LMBRD1: variants seen among roughly 807,000 people sequenced by gnomAD.
LMBRD1 encodes LMBR1 domain containing 1.
LMBRD1 carries 64 observed loss-of-function variants against 74.8 expected under a neutral mutation model. The observed-to-expected ratio is 0.86, with a 90% confidence interval of 0.70 to 1.05. The LOEUF (loss-of-function observed/expected upper bound fraction) is 1.05. Among genes scored for constraint, LMBRD1 ranks in the 50% least tolerant of loss-of-function variants. LMBRD1 has a pLI of 0.00. For synonymous variants in LMBRD1, 204 were observed against 216.3 expected (o/e 0.94, Z 0.50); for missense variants, 652 against 645.9 (o/e 1.01, Z -0.10).
At chr6:69,757,178 T>C (rs956742986) in intron 3 of LMBRD1, among the ~76,000 whole-genome samples, 2 of 152,176 alleles carry the variant, frequency 1.3e-5, no homozygotes, top group African/African-American at 4.8e-5. Flanking sequence ...ATAGACCTTG[T>C]GTTGACTAAA....
chr6:69,796,668 A>G lies in LMBRD1; in HGVS notation c.69+145T>C. On this transcript the variant is annotated intron_variant, in intron 1 of 15. Transcript: ENST00000649934. ...GCCCCCGCCGCCCGCCCAAGCCCCC[A>G]ACACTAAGGAGCCCTCCACAGTCCA... 3 of 637,426 alleles carry G rather than the reference A, an allele frequency of 4.7e-6. 1 individual carries two copies. Among genetic ancestry groups the G allele is most frequent in the South Asian group, 1.5e-5 (1 of 64,912 alleles). 39.5% of individuals were successfully genotyped at this position (637,426 alleles called of 1,614,324 possible).
At chr6:69,780,781 C>G (rs1328764424) in intron 2 of LMBRD1, among the ~76,000 whole-genome samples, 1 of 152,136 alleles carries the variant, frequency 6.6e-6, no homozygotes, top group East Asian at 1.9e-4. Flanking sequence ...GCACCTAACT[C>G]AGACTGAAGA....
chr6:69,749,528 A>T, intron 4 of LMBRD1, 120 bp from the exon 5 acceptor site: 1 of 766,014 alleles, frequency 1.3e-6, no homozygotes, highest in Admixed American at 2.4e-5. Context: ...TATTGAAACT[A>T]AGGTTGAAAA....
At position 69,676,150 on chromosome 6, in the gene LMBRD1, GA is replaced by G. The variant is rs1181810993; in HGVS notation, c.*7del. 1.2e-6 allele frequency: 2 copies of G among 1,600,514 alleles called. No individual in the cohort carries two copies. Among genetic ancestry groups the G allele is most frequent in the Non-Finnish European group, 1.7e-6 (2 of 1,168,006 alleles). On this transcript the variant is annotated 3_prime_UTR_variant, in exon 16 of 16. Coordinates refer to ENST00000649934, the MANE Select transcript of LMBRD1 (RefSeq NM_018368.4). ...TCAGCATTATAAAACCTTTAAGACAGAAGGCTGTCAAGCAGAATAGACAGAG... is the reference window on the plus strand; with the variant it reads ...TCAGCATTATAAAACCTTTAAGACAGAGGCTGTCAAGCAGAATAGACAGAG...
intron 9 of LMBRD1, among the ~76,000 whole-genome samples, chr6:69,703,160 C>A (rs1766170818): frequency 6.6e-6 from 1 of 151,976 alleles, no homozygotes; most frequent in Non-Finnish European, 1.5e-5. Context: ...GGTTTCATTG[C>A]AAAAGATTTT....
intron 6 of LMBRD1, among the ~76,000 whole-genome samples, chr6:69,738,687 GA>G (rs1049835082): frequency 3.9e-5 from 6 of 151,994 alleles, no homozygotes; most frequent in Non-Finnish European, 7.4e-5. Flanking sequence ...GTCAAAGAGT[GA>G]GGGGCAGGAA....
chr6:69,689,247 TAAGAA>T lies in LMBRD1; in HGVS notation c.1417+8311_1417+8315del, dbSNP rs1765829414. ...GATAAACTAGCAGACAGTTAAAAAA[TAAGAA>T]AAGAAAGTTAAGATTCTGAATTCTT... On this transcript the variant is annotated intron_variant, in intron 14 of 15. Coordinates refer to ENST00000649934, the MANE Select transcript of LMBRD1 (RefSeq NM_018368.4). Among the ~76,000 whole-genome samples, 4 of 152,042 alleles carry T rather than the reference TAAGAA, an allele frequency of 2.6e-5. No homozygotes were observed. The South Asian group carries it at 8.3e-4, about 32-fold the overall frequency.
intron 5 of LMBRD1, among the ~76,000 whole-genome samples, chr6:69,748,080 T>C (rs985212666): frequency 6.6e-6 from 1 of 152,206 alleles, no homozygotes; most frequent in Non-Finnish European, 1.5e-5. Context: ...AAAATAGGAG[T>C]TGGCAAACTA....
chr6:69,683,959 G>A (rs1001859997), intron 14 of LMBRD1, among the ~76,000 whole-genome samples: 12 of 151,978 alleles, frequency 7.9e-5, no homozygotes, highest in African/African-American at 2.7e-4. Context: ...AGAGTTACCA[G>A]CAATGACACT....
chr6:69,746,087 C>A, intron 5 of LMBRD1: 2 of 204,540 alleles, frequency 9.8e-6, no homozygotes, highest in South Asian at 1.8e-4. Context: ...TTGGAAATCC[C>A]ATCACCCTCT....
intron 8 of LMBRD1, among the ~76,000 whole-genome samples, chr6:69,715,381 T>C (rs543056478): frequency 6.1e-4 from 93 of 152,270 alleles, no homozygotes; most frequent in Middle Eastern, 6.8e-3. Flanking sequence ...AATGCTTCAG[T>C]GGAATGAGGG....
chr6:69,678,344 G>A (rs2149833262), intron 14 of LMBRD1, among the ~76,000 whole-genome samples: 1 of 152,128 alleles, frequency 6.6e-6, no homozygotes, highest in South Asian at 2.1e-4. Flanking sequence ...GGGAAGAGGA[G>A]GGGTTGGTCT....
intron 4 of LMBRD1, among the ~76,000 whole-genome samples, chr6:69,749,928 A>G (rs1176871717): frequency 1.1e-5 from 1 of 94,008 alleles, no homozygotes; most frequent in Non-Finnish European, 1.8e-5. Flanking sequence ...ATACACATAT[A>G]CATACTCATA....
At chr6:69,748,916 A>C (rs747908587) in intron 5 of LMBRD1, among the ~76,000 whole-genome samples, 2 of 152,076 alleles carry the variant, frequency 1.3e-5, no homozygotes, top group African/African-American at 2.4e-5. Flanking sequence ...AAACATTATA[A>C]ATGTCTAAGC....
At chr6:69,735,179 A>T (rs1039130480) in intron 7 of LMBRD1, among the ~76,000 whole-genome samples, 3 of 152,200 alleles carry the variant, frequency 2.0e-5, no homozygotes, top group Non-Finnish European at 4.4e-5. Context: ...AGCCTATCCC[A>T]CTAGCTCAGG....
At chr6:69,769,692 A>C (rs928530334) in intron 3 of LMBRD1, among the ~76,000 whole-genome samples, 1 of 150,450 alleles carries the variant, frequency 6.6e-6, no homozygotes, top group African/African-American at 2.4e-5. Context: ...TCTGTTTTCC[A>C]CAAGTGTGCA....
chr6:69,733,849 T>C (rs1562103759), intron 7 of LMBRD1, among the ~76,000 whole-genome samples: 1 of 152,232 alleles, frequency 6.6e-6, no homozygotes, highest in Non-Finnish European at 1.5e-5. Context: ...TGGTTTATTT[T>C]CACTGAGAGA....
intron 9 of LMBRD1, among the ~76,000 whole-genome samples, chr6:69,704,070 G>A (rs1766195423): frequency 6.6e-6 from 1 of 151,920 alleles, no homozygotes; most frequent in African/African-American, 2.4e-5. Flanking sequence ...CATATCAAGT[G>A]GCACAGTCAT....
intron 9 of LMBRD1, among the ~76,000 whole-genome samples, chr6:69,709,545 A>G (rs1766338706): frequency 6.6e-6 from 1 of 152,202 alleles, no homozygotes; most frequent in Non-Finnish European, 1.5e-5. Flanking sequence ...GAATAACTGT[A>G]CTGGAGGTTT....
Sources: gnomAD v4.1 joint callset for allele counts (sites outside exome capture counted in the v4.1 genomes callset) on GRCh38, gnomAD v4.1.1 for gene constraint, MANE v1.5 for transcripts, NCBI Gene and HGNC (gene_info 2026-07-23, HGNC 2026-07-21) for gene names.